The following MAPK4 variants were observed in gnomAD, a reference collection of about 807,000 sequenced individuals.
MAPK4 encodes the protein Erk3-related.
Under a neutral mutation model 47.7 loss-of-function variants are expected in MAPK4, and 22 were observed. The ratio of observed to expected loss-of-function variants is 0.46; its 90% CI spans 0.33 to 0.66. MAPK4 has a LOEUF of 0.66. Ranked by LOEUF, MAPK4 falls within the 30% of genes least tolerant of loss-of-function variation. The pLI, the probability that MAPK4 is intolerant of heterozygous loss-of-function variation, is 0.02. For synonymous variants in MAPK4, 390 were observed against 365.7 expected, an observed-to-expected ratio of 1.07 and a Z score of -0.76; for missense variants, 736 against 831.7, an observed-to-expected ratio of 0.88 and a Z score of 1.42.
chr18:50,707,522 G>A (rs1428732820), intron 2 of MAPK4, among the ~76,000 whole-genome samples: 6 of 142,248 alleles, frequency 4.2e-5, no homozygotes, highest in Admixed American at 3.0e-4. Context: ...AGTGAGTCAT[G>A]ATCGTGCCAC....
rs139764798 is a variant in MAPK4 at position 50,664,966 on chromosome 18, C to G, written c.546+462C>G. Among the ~76,000 whole-genome samples the G allele has an allele frequency of 2.0e-5, 3 of 152,150 alleles. No homozygotes were observed. Among genetic ancestry groups the G allele is most frequent in the African/African-American group, 7.2e-5 (3 of 41,436 alleles). On this transcript the variant is annotated intron_variant, in intron 2 of 5. Transcript: ENST00000400384. This position sits in a 1 kb window ranked among gnomAD's most constrained non-coding sequence, Gnocchi z 6.0. The stretch of plus-strand genomic sequence containing the variant: ...CTCATCCCATCCAAGCTGACCCATT[C>G]GGTGTCCATTTCTCTCAGTCAGTGG...
intron 2 of MAPK4, among the ~76,000 whole-genome samples, chr18:50,698,128 A>G (rs1909605634): frequency 6.6e-6 from 1 of 152,202 alleles, no homozygotes; most frequent in South Asian, 2.1e-4. Context: ...AAATACTTCT[A>G]TTTATGACCA....
chr18:50,571,691 A>C (rs1056696159), intron 1 of MAPK4, among the ~76,000 whole-genome samples: 6 of 152,202 alleles, frequency 3.9e-5, no homozygotes, highest in African/African-American at 1.4e-4. Flanking sequence ...TTTTCCATTT[A>C]TGTGGATTTG....
chr18:50,584,842 A>C (rs1293234377), intron 1 of MAPK4, among the ~76,000 whole-genome samples: 1 of 152,230 alleles, frequency 6.6e-6, no homozygotes, highest in East Asian at 1.9e-4. Context: ...ACCTGCACAC[A>C]AAATGCTAGT....
intron 5 of MAPK4, among the ~76,000 whole-genome samples, chr18:50,728,753 T>C (rs1911341732): frequency 6.6e-6 from 1 of 152,186 alleles, no homozygotes; most frequent in African/African-American, 2.4e-5. Context: ...AGAATCAACA[T>C]CTGCATTTTA....
rs573350519 is a variant in MAPK4 at position 50,697,443 on chromosome 18, C to T, written c.547-17636C>T. ...ACATTAATAATTCAATAAATGTATT[C>T]ATTGAGATTTTTGATGTAAAGTGTT... On this transcript the variant is annotated intron_variant, in intron 2 of 5. Transcript: ENST00000400384. Among the ~76,000 whole-genome samples, 6 of 152,240 alleles carry T rather than the reference C, an allele frequency of 3.9e-5. No homozygotes were observed. In the East Asian group the frequency reaches 1.2e-3, roughly 29 times the overall value.
intron 1 of MAPK4, among the ~76,000 whole-genome samples, chr18:50,604,644 C>CT (rs2042567861): frequency 6.6e-6 from 1 of 152,228 alleles, no homozygotes; most frequent in Non-Finnish European, 1.5e-5. Context: ...CTATGTTTAA[C>CT]TTCTACTTTT....
Position 50,722,071 on chromosome 18 carries a change from C to G in MAPK4, c.825C>G (p.Arg275=). The G allele has an allele frequency of 6.2e-7, 1 of 1,613,448 alleles. No homozygotes were observed. The highest frequency in any genetic ancestry group is 8.5e-7 in the Non-Finnish European group (1 of 1,179,710). Residue 275 remains arginine (R), a synonymous_variant, in exon 4 of 6, where the codon CGC becomes CGG. Coordinates refer to ENST00000400384, the MANE Select transcript of MAPK4 (RefSeq NM_002747.4). The stretch of plus-strand genomic sequence containing the variant: ...CCTGGGAGGTGAAGAGGCCTCTGCG[C>G]AAGCTGCTCCCTGAAGTGAACAGTG... ...SSTWEVKRPL[R]KLLPEVNSEA...
intron 1 of MAPK4, among the ~76,000 whole-genome samples, chr18:50,595,277 CA>C (rs559615411): frequency 2.6e-5 from 4 of 152,146 alleles, no homozygotes; most frequent in Non-Finnish European, 5.9e-5. Flanking sequence ...ATAATAATCC[CA>C]AGTTGAAATC....
At chr18:50,579,987 T>C (rs1206819713) in intron 1 of MAPK4, among the ~76,000 whole-genome samples, 3 of 152,176 alleles carry the variant, frequency 2.0e-5, no homozygotes, top group Non-Finnish European at 4.4e-5. Flanking sequence ...AAAATTTGAT[T>C]TGTGGTTTCC....
At chr18:50,634,209 G>T (rs769957958) in intron 1 of MAPK4, among the ~76,000 whole-genome samples, 62 of 152,252 alleles carry the variant, frequency 4.1e-4, no homozygotes, top group Non-Finnish European at 7.5e-4. Flanking sequence ...TCTTGGTTCT[G>T]CTCCTGAAAG....
chr18:50,599,643 T>A (rs1281399095), intron 1 of MAPK4, among the ~76,000 whole-genome samples: 2 of 152,168 alleles, frequency 1.3e-5, no homozygotes, highest in African/African-American at 2.4e-5. Context: ...GGTCTTGAAC[T>A]CCTGGGCTCA....
intron 2 of MAPK4, among the ~76,000 whole-genome samples, chr18:50,693,198 G>T (rs967218273): frequency 2.6e-5 from 4 of 152,124 alleles, no homozygotes; most frequent in Admixed American, 6.5e-5. Context: ...GGTGGAGGTT[G>T]CAGTGAGCCA....
At chr18:50,571,592 C>G (rs1266590189) in intron 1 of MAPK4, among the ~76,000 whole-genome samples, 1 of 152,174 alleles carries the variant, frequency 6.6e-6, no homozygotes, top group Non-Finnish European at 1.5e-5. Context: ...TTTCTTTTAT[C>G]AGTAACTTGG....
chr18:50,675,137 A>G (rs1172097036), intron 2 of MAPK4, among the ~76,000 whole-genome samples: 1 of 152,170 alleles, frequency 6.6e-6, no homozygotes, highest in Admixed American at 6.5e-5. Context: ...ACAGAGAGTA[A>G]CTTATCCAGG....
At chr18:50,698,758 G>A (rs1013940887) in intron 2 of MAPK4, among the ~76,000 whole-genome samples, 1 of 152,164 alleles carries the variant, frequency 6.6e-6, no homozygotes, top group African/African-American at 2.4e-5. Context: ...AGCCAAGCAC[G>A]GTGGCTCACA....
intron 5 of MAPK4, among the ~76,000 whole-genome samples, chr18:50,728,065 C>T (rs1911300609): frequency 1.3e-5 from 2 of 152,180 alleles, no homozygotes; most frequent in Non-Finnish European, 2.9e-5. Flanking sequence ...CCTTCCTGTG[C>T]CTCTCCAGTC....
chr18:50,594,190 T>C (rs1255257380), intron 1 of MAPK4, among the ~76,000 whole-genome samples: 1 of 152,220 alleles, frequency 6.6e-6, no homozygotes, highest in African/African-American at 2.4e-5. Flanking sequence ...CCGCCTGCTT[T>C]ATTCTAGCCG....
intron 1 of MAPK4, among the ~76,000 whole-genome samples, chr18:50,577,168 C>T (rs2042304967): frequency 6.6e-6 from 1 of 152,118 alleles, no homozygotes; most frequent in African/African-American, 2.4e-5. Flanking sequence ...AGATGATTCT[C>T]AAGTGCAAAC....
Sources: gnomAD v4.1 joint callset for allele counts (sites outside exome capture counted in the v4.1 genomes callset) on GRCh38, gnomAD v4.1.1 for gene constraint, Gnocchi (gnomAD v3.1) non-coding constraint, MANE v1.5 for transcripts, NCBI Gene and HGNC (gene_info 2026-07-23, HGNC 2026-07-21) for gene names.